Variants in FRK observed in about 807,000 individuals in gnomAD.
FRK encodes the protein fyn related Src family tyrosine kinase, also known as tyrosine-protein kinase FRK.
FRK carries 51 observed loss-of-function variants against 56.4 expected under a neutral mutation model. That is an observed-to-expected ratio of 0.90 (90% CI 0.72 to 1.14). The LOEUF is 1.14. FRK is among the 50% of genes most tolerant of loss of function. The pLI is 0.00. For synonymous variants in FRK, 245 were observed against 217.9 expected, an observed-to-expected ratio of 1.12 and a Z score of -1.10; for missense variants, 570 against 601.4, an observed-to-expected ratio of 0.95 and a Z score of 0.55.
intron 1 of FRK, among the ~76,000 whole-genome samples, chr6:116,058,205 T>A (rs1180414425): frequency 6.6e-6 from 1 of 152,162 alleles, no homozygotes; most frequent in African/African-American, 2.4e-5. Context: ...ATAGAAATCA[T>A]AAAGTAGTGA....
chr6:115,932,602 T>G lies in FRK; in HGVS notation c.*9812A>C, dbSNP rs195532. The G allele has an allele frequency of 0.39, 59,372 of 152,010 alleles. 11,997 individuals are homozygous for G. Among genetic ancestry groups the G allele is most frequent in the African/African-American group, 0.46 (19,248 of 41,416 alleles). The allele number at this position is 152,010 out of a possible 1,614,324, so 9.4% of individuals were successfully genotyped here. On this transcript the variant is annotated 3_prime_UTR_variant, in exon 8 of 8. Coordinates refer to ENST00000606080, the MANE Select transcript of FRK (RefSeq NM_002031.3). ...ATTCTAGCTCACATAATGTGTCTTT[T>G]TAAAGAATCATAATGAGTCACCAAT...
intron 1 of FRK, among the ~76,000 whole-genome samples, chr6:116,022,191 A>G (rs1015511901): frequency 4.6e-5 from 7 of 152,130 alleles, no homozygotes; most frequent in Non-Finnish European, 1.0e-4. Context: ...ACCTTCGCAC[A>G]GAGAAAACTC....
intron 5 of FRK, among the ~76,000 whole-genome samples, chr6:115,946,664 G>A (rs1276429119): frequency 6.6e-6 from 1 of 152,136 alleles, no homozygotes; most frequent in East Asian, 1.9e-4. Context: ...GTAAAAGTGG[G>A]TGAGATTGCT....
chr6:116,034,241 GAGAGAATTTGGAATGCTCCCAACAC>G (rs1776391400), intron 1 of FRK, among the ~76,000 whole-genome samples: 1 of 152,078 alleles, frequency 6.6e-6, no homozygotes, highest in Admixed American at 6.6e-5. Flanking sequence ...ATACCTAGAA[GAGAGAATTTGGAATGCTCCCAACAC>G]GGAGAATTGA....
At chr6:116,026,910 T>A (rs1053018344) in intron 1 of FRK, among the ~76,000 whole-genome samples, 1 of 152,110 alleles carries the variant, frequency 6.6e-6, no homozygotes, top group Non-Finnish European at 1.5e-5. Context: ...GGGCATGGAA[T>A]AAGGTATAAA....
chr6:116,047,301 G>T (rs960026380), intron 1 of FRK, among the ~76,000 whole-genome samples: 3 of 151,772 alleles, frequency 2.0e-5, no homozygotes, highest in African/African-American at 7.3e-5. Context: ...CCGTAGAAAG[G>T]GTCAAGCCTT....
At position 116,060,377 on chromosome 6, in the gene FRK, T is replaced by A; in HGVS notation, c.-66A>T. ...TCCCCTTAGTCTCTGCGATCCACCT[T>A]ATCTTCCTTCACCAGGCAACTTTGA... On this transcript the variant is annotated 5_prime_UTR_variant, in exon 1 of 8. Transcript: ENST00000606080. 7.6e-7 allele frequency: 1 copy of A among 1,315,338 alleles called. No homozygotes were observed. Among genetic ancestry groups the A allele is most frequent in the South Asian group, 1.4e-5 (1 of 73,070 alleles). The allele number at this position is 1,315,338 out of a possible 1,614,324, so 81.5% of individuals were successfully genotyped here. A position where few individuals can be genotyped will look rare whatever the true frequency, so the allele number is the denominator to read the frequency against.
rs1418589947 is a variant in FRK at position 116,004,008 on chromosome 6, G to C, written c.345-10C>G. ...TGCTCCAAAGAACCACCTAAAAAGA[G>C]AGATATGTAAATGTTAAGTAACCAA... On this transcript the variant is annotated splice_polypyrimidine_tract_variant and intron_variant, in intron 1 of 7. Coordinates refer to ENST00000606080, the MANE Select transcript of FRK (RefSeq NM_002031.3). 2.5e-6 allele frequency: 4 copies of C among 1,609,246 alleles called. No homozygotes were observed. The highest frequency in any genetic ancestry group is 2.2e-5 in the East Asian group (1 of 44,788).
At chr6:116,004,617 T>A (rs758026797) in intron 1 of FRK, among the ~76,000 whole-genome samples, 1 of 152,182 alleles carries the variant, frequency 6.6e-6, no homozygotes, top group African/African-American at 2.4e-5. Flanking sequence ...AAAAGATACA[T>A]CTGCCCAGGA....
rs1365652627 is a variant in FRK at position 116,059,991 on chromosome 6, C to T, written c.321G>A (p.Glu107=). The stretch of plus-strand genomic sequence containing the variant: ...ACGGCTCTGCCTGTAGGCTTCTGTC[C>T]TCAGCCACGTAGTTAGAAGGAATAT... ...QGYIPSNYVA[E]DRSLQAEPWF... The change falls in exon 1 of 8, where the codon GAG becomes GAA. Residue 107 remains glutamate, a synonymous_variant. Transcript: ENST00000606080. 1.9e-6 allele frequency: 3 copies of T among 1,614,154 alleles called. No individual in the cohort carries two copies. The highest frequency in any genetic ancestry group is 1.3e-5 in the African/African-American group (1 of 75,034).
At chr6:116,094,827 C>T in the FRK span, among the ~76,000 whole-genome samples, 1 of 151,400 alleles carries the variant, frequency 6.6e-6, no homozygotes, top group Non-Finnish European at 1.5e-5. Context: ...GAAAGAGAGA[C>T]AGAAAGTCAA....
At chr6:116,035,552 A>G (rs1252769840) in intron 1 of FRK, among the ~76,000 whole-genome samples, 1 of 152,150 alleles carries the variant, frequency 6.6e-6, no homozygotes, top group African/African-American at 2.4e-5. Flanking sequence ...TAGTCTGCTA[A>G]TATAACTCAC....
chr6:116,017,663 A>C (rs778756119), intron 1 of FRK, among the ~76,000 whole-genome samples: 1 of 152,204 alleles, frequency 6.6e-6, no homozygotes, highest in Non-Finnish European at 1.5e-5. Context: ...AGTGTGTACA[A>C]GGCAAATAGT....
At position 115,999,404 on chromosome 6, in the gene FRK, C is replaced by T. The variant is rs3798230; in HGVS notation, c.466+4473G>A. Among the ~76,000 whole-genome samples, 99 of 152,262 alleles carry T rather than the reference C, an allele frequency of 6.5e-4. 1 individual carries two copies. The East Asian group carries it at 0.018, about 28-fold the overall frequency. On this transcript the variant is annotated intron_variant, in intron 2 of 7. Transcript: ENST00000606080. ...CGTGGCCCTAACTCTCTTTTCAGAT[C>T]TACTCAGACCTCACAAGAGCAGACA...
intron 5 of FRK, among the ~76,000 whole-genome samples, chr6:115,948,642 G>A (rs1420467910): frequency 6.6e-6 from 1 of 152,050 alleles, no homozygotes; most frequent in Non-Finnish European, 1.5e-5. Context: ...ACTTATGATT[G>A]TTAAATCTAT....
intron 1 of FRK, among the ~76,000 whole-genome samples, chr6:116,018,423 T>C (rs2114729378): frequency 6.6e-6 from 1 of 152,282 alleles, no homozygotes; most frequent in Admixed American, 6.5e-5. Context: ...GCAACAGAAT[T>C]ATGCATCCTC....
chr6:116,068,399 AG>A, the FRK span, among the ~76,000 whole-genome samples: 20 of 152,330 alleles, frequency 1.3e-4, no homozygotes, highest in Non-Finnish European at 2.8e-4. Context: ...GAAAAAAAAA[AG>A]ATGCCGAATT....
chr6:115,959,019 C>A (rs1264395871), intron 4 of FRK, among the ~76,000 whole-genome samples: 1 of 152,100 alleles, frequency 6.6e-6, no homozygotes, highest in Non-Finnish European at 1.5e-5. Flanking sequence ...TGTTTCAGAG[C>A]ACTCCTTCAT....
At chr6:116,063,878 G>A (rs77279384), upstream of FRK, among the ~76,000 whole-genome samples, 1,947 of 152,162 alleles carry the variant, frequency 0.013, 17 homozygotes, top group African/African-American at 0.021. Context: ...AGGCTGAAAG[G>A]CTAGGTAATT....
Sources: allele counts gnomAD v4.1 joint callset (sites outside exome capture counted in the v4.1 genomes callset), GRCh38; gene constraint gnomAD v4.1.1; transcripts MANE v1.5; gene names NCBI Gene and HGNC (gene_info 2026-07-23, HGNC 2026-07-21).